The following NRTN variants were observed in gnomAD, a reference collection of about 807,000 sequenced individuals.
The protein encoded by NRTN is neurturin, also known as prepro-neurturin.
NRTN carries 3 observed loss-of-function variants against 7.5 expected under a neutral mutation model. The observed-to-expected ratio is 0.40, with a 90% CI of 0.18 to 1.03. The LOEUF is 1.03. NRTN is among the 50% of genes least tolerant of loss of function. NRTN has a pLI of 0.34. For synonymous variants in NRTN, 157 were observed against 146.6 expected (o/e 1.07, Z -0.51); for missense variants, 310 against 307.0 (o/e 1.01, Z -0.07).
intron 1 of NRTN, among the ~76,000 whole-genome samples, chr19:5,813,132 T>A (rs1230423489): frequency 6.6e-6 from 1 of 151,274 alleles, no homozygotes; most frequent in Non-Finnish European, 1.5e-5. Context: ...CACAGCACTT[T>A]GGGAGGCAAA....
rs988325036 is a variant in NRTN, at chr19:5,822,184, G to A, written c.-398-1584G>A. On this transcript the variant is annotated intron_variant, in intron 1 of 2. Transcript: ENST00000303212. ...GAGTTTCTGCACATCAGGACACGAG[G>A]CGCGGTCCATGCAAATGAAATGCAA... Among the ~76,000 whole-genome samples the A allele has an allele frequency of 2.0e-5, 3 of 152,122 alleles. No individual in the cohort carries two copies. In the East Asian group the frequency reaches 5.8e-4, roughly 29 times the overall value.
chr19:5,819,343 A>G (rs182390163), intron 1 of NRTN, among the ~76,000 whole-genome samples: 58 of 152,292 alleles, frequency 3.8e-4, no homozygotes, highest in Admixed American at 1.1e-3. Context: ...CCTGGGCAAC[A>G]TGATGAGACA....
At chr19:5,816,471 C>G (rs2057005565) in intron 1 of NRTN, among the ~76,000 whole-genome samples, 1 of 152,134 alleles carries the variant, frequency 6.6e-6, no homozygotes, top group Non-Finnish European at 1.5e-5. Context: ...CTCCGCCTCC[C>G]AGGTTCAAGC....
At chr19:5,817,064 C>CT (rs2057007252) in intron 1 of NRTN, among the ~76,000 whole-genome samples, 1 of 152,042 alleles carries the variant, frequency 6.6e-6, no homozygotes, top group Non-Finnish European at 1.5e-5. Context: ...TGGCTGGGTG[C>CT]AGTGGATCAC....
intron 1 of NRTN, among the ~76,000 whole-genome samples, chr19:5,808,635 G>A (rs2056980769): frequency 6.6e-6 from 1 of 152,052 alleles, no homozygotes; most frequent in African/African-American, 2.4e-5. Flanking sequence ...TCCCTGCATT[G>A]TCCCCTGGCT....
chr19:5,826,866 T>C (rs544170446), intron 2 of NRTN, among the ~76,000 whole-genome samples: 15 of 152,234 alleles, frequency 9.9e-5, no homozygotes, highest in South Asian at 2.1e-4. Flanking sequence ...TGGGCCAAAC[T>C]TGGGTGAACG....
intron 1 of NRTN, among the ~76,000 whole-genome samples, chr19:5,813,534 C>G (rs1272967561): frequency 1.3e-5 from 2 of 152,150 alleles, no homozygotes; most frequent in Non-Finnish European, 2.9e-5. Flanking sequence ...ATTAACCAGG[C>G]ATGGTGGCTT....
intron 1 of NRTN, among the ~76,000 whole-genome samples, chr19:5,811,730 C>T (rs1161170062): frequency 6.9e-5 from 10 of 145,402 alleles, no homozygotes; most frequent in African/African-American, 2.6e-4. Context: ...TTTGTATTTT[C>T]AGTAGAGATG....
intron 1 of NRTN, among the ~76,000 whole-genome samples, chr19:5,822,542 T>C (rs1193980443): frequency 6.6e-6 from 1 of 152,202 alleles, no homozygotes; most frequent in Non-Finnish European, 1.5e-5. Context: ...GTGAGGAGGA[T>C]GCCACCAGGC....
At chr19:5,823,236 G>C (rs2057032495) in intron 1 of NRTN, among the ~76,000 whole-genome samples, 1 of 152,054 alleles carries the variant, frequency 6.6e-6, no homozygotes, top group African/African-American at 2.4e-5. Flanking sequence ...AGCTAACAGG[G>C]AGAAACCCTG....
At position 5,828,309 on chromosome 19, in the gene NRTN, A is replaced by C; in HGVS notation, c.*136A>C. 19 of 962,870 alleles carry C rather than the reference A, an allele frequency of 2.0e-5. No individual in the cohort carries two copies. Among genetic ancestry groups the C allele is most frequent in the African/African-American group, 3.5e-5 (2 of 57,784 alleles). The allele number at this position is 962,870 out of a possible 1,614,324, so 59.6% of individuals were successfully genotyped here. On this transcript the variant is annotated 3_prime_UTR_variant, in exon 3 of 3. Transcript: ENST00000303212. ...CTCTCGCGATAACTGTACTGAGATA[A>C]AGTGTGGCAACTCGAGCTGGCTGGT...
In NRTN at chr19:5,805,373, C is replaced by G. The variant is rs1339316064; in HGVS notation, c.-477C>G. On this transcript the variant is annotated 5_prime_UTR_variant, in exon 1 of 3. Coordinates refer to ENST00000303212, the MANE Select transcript of NRTN (RefSeq NM_004558.5). ...CCGGGCACCGCGGGCCCAGGCGGCC[C>G]GGATGGCGGTCGCGGCGGCTGGGGC... 7.2e-6 allele frequency among the ~76,000 whole-genome samples: 1 copy of G among 139,482 alleles called. No individual in the cohort carries two copies. Among genetic ancestry groups the G allele is most frequent in the African/African-American group, 2.6e-5 (1 of 38,472 alleles). 91.5% of individuals were successfully genotyped at this position (139,482 alleles called of 152,430 possible).
chr19:5,823,069 GA>G (rs1359754882), intron 1 of NRTN, among the ~76,000 whole-genome samples: 2 of 114,548 alleles, frequency 1.7e-5, no homozygotes, highest in Non-Finnish European at 3.9e-5. Context: ...GGAAAGAAAG[GA>G]AGAGAAAAAG....
intron 1 of NRTN, among the ~76,000 whole-genome samples, chr19:5,813,413 TGTAATC>T (rs2056996152): frequency 6.6e-6 from 1 of 152,120 alleles, no homozygotes; most frequent in Non-Finnish European, 1.5e-5. Flanking sequence ...GGCTCACGCC[TGTAATC>T]CCAGCACTTT....
chr19:5,815,921 T>C (rs570584485), intron 1 of NRTN, among the ~76,000 whole-genome samples: 2 of 151,624 alleles, frequency 1.3e-5, no homozygotes, highest in Non-Finnish European at 2.9e-5. Flanking sequence ...ATTTTTGTAT[T>C]TTTAGTAGAG....
intron 1 of NRTN, among the ~76,000 whole-genome samples, chr19:5,818,052 C>A (rs2057011622): frequency 6.6e-6 from 1 of 152,120 alleles, no homozygotes; most frequent in African/African-American, 2.4e-5. Flanking sequence ...CAACCTCCAC[C>A]TCCCAGGTTC....
At chr19:5,810,684 A>G (rs943755205) in intron 1 of NRTN, among the ~76,000 whole-genome samples, 1 of 152,126 alleles carries the variant, frequency 6.6e-6, no homozygotes, top group African/African-American at 2.4e-5. Flanking sequence ...CTGTAATCCC[A>G]GCACTTTGGG....
intron 1 of NRTN, among the ~76,000 whole-genome samples, chr19:5,809,759 G>A (rs554828696): frequency 4.6e-5 from 7 of 151,590 alleles, no homozygotes; most frequent in African/African-American, 1.7e-4. Context: ...TCTGCTGTGT[G>A]TCTTTAAGAA....
chr19:5,827,876 G>GGCGCGGCCTTGCGGGCT lies in NRTN; in HGVS notation c.303_319dup (p.Glu107GlyfsTer12). 1 of 1,302,036 alleles carries GGCGCGGCCTTGCGGGCT rather than the reference G, an allele frequency of 7.7e-7. No homozygotes were observed. The highest frequency in any genetic ancestry group is 9.8e-7 in the Non-Finnish European group (1 of 1,022,774). The allele number at this position is 1,302,036 out of a possible 1,614,324, so 80.7% of individuals were successfully genotyped here. A position where few individuals can be genotyped will look rare whatever the true frequency, so the allele number is the denominator to read the frequency against. On this transcript the variant is annotated frameshift_variant, in exon 3 of 3. Transcript: ENST00000303212. LOFTEE classifies it low-confidence loss of function (END_TRUNC). ...GGCGGCGCGCGCGTGCGCGGTTGGG[G>GGCGCGGCCTTGCGGGCT]GCGCGGCCTTGCGGGCTGCGCGAGC...
Sources: allele counts gnomAD v4.1 joint callset (sites outside exome capture counted in the v4.1 genomes callset), GRCh38; gene constraint gnomAD v4.1.1; transcripts MANE v1.5; gene names NCBI Gene and HGNC (gene_info 2026-07-23, HGNC 2026-07-21).